The following EEA1 variants were observed in gnomAD, a reference collection of about 807,000 sequenced individuals.
EEA1 encodes the protein early endosome antigen 1, also known as early endosome antigen 1, 162kD.
EEA1 carries 111 observed loss-of-function variants against 209.2 expected under a neutral mutation model. The observed-to-expected ratio is 0.53, with a 90% confidence interval of 0.45 to 0.62. EEA1 has a LOEUF of 0.62. Ranked by LOEUF, EEA1 falls within the 20% of genes least tolerant of loss-of-function variation. The pLI is 0.00. For synonymous variants in EEA1, 536 were observed against 540.6 expected, an observed-to-expected ratio of 0.99 and a Z score of 0.12; for missense variants, 1,343 against 1,530.8, an observed-to-expected ratio of 0.88 and a Z score of 2.05.
At chr12:92,858,082 T>A in intron 3 of EEA1, 1 of 463,194 alleles carries the variant, frequency 2.2e-6, no homozygotes, top group Non-Finnish European at 4.0e-6. Context: ...AACACCAACA[T>A]GAACGGGAGC....
chr12:92,819,079 T>A (rs1645477560), intron 14 of EEA1, among the ~76,000 whole-genome samples: 1 of 152,190 alleles, frequency 6.6e-6, no homozygotes, highest in African/African-American at 2.4e-5. Context: ...CTAACTTACA[T>A]CCAGGGACAT....
chr12:92,896,029 A>T (rs1879867303), intron 1 of EEA1, among the ~76,000 whole-genome samples: 1 of 150,008 alleles, frequency 6.7e-6, no homozygotes, highest in African/African-American at 2.5e-5. Flanking sequence ...GCTGGAGTGC[A>T]GTGGTGTGAT....
intron 2 of EEA1, chr12:92,884,344 C>T (rs1879290030): frequency 3.9e-6 from 5 of 1,266,482 alleles, no homozygotes; most frequent in South Asian, 1.2e-5. Flanking sequence ...CTTTATCCAG[C>T]CAAAGAGGCT....
chr12:92,835,400 C>CTTT (rs140302130), intron 10 of EEA1: 36 of 154,410 alleles, frequency 2.3e-4, no homozygotes, highest in South Asian at 3.0e-4. Flanking sequence ...AGTTTCACTC[C>CTTT]TTTTTTTTTT....
Position 92,773,683 on chromosome 12 carries a change from A to C in EEA1, c.*2328T>G, listed in dbSNP as rs1164723885. On this transcript the variant is annotated 3_prime_UTR_variant, in exon 29 of 29. Transcript: ENST00000322349. ...TGACTGACAAAATAATAGTACCAGC[A>C]AACATGTAAAATGTACAGCCAATAA... 4 of 151,700 alleles carry C rather than the reference A, an allele frequency of 2.6e-5. No individual in the cohort carries two copies. The highest frequency in any genetic ancestry group is 5.9e-5 in the Non-Finnish European group (4 of 67,636). The allele number at this position is 151,700 out of a possible 1,614,324, so 9.4% of individuals were successfully genotyped here. A position where few individuals can be genotyped will look rare whatever the true frequency, so the allele number is the denominator to read the frequency against.
At chr12:92,883,534 T>A (rs1592755750) in intron 2 of EEA1, among the ~76,000 whole-genome samples, 1 of 152,188 alleles carries the variant, frequency 6.6e-6, no homozygotes, top group African/African-American at 2.4e-5. Context: ...AAAATTCTTA[T>A]AGTTTAAGGT....
intron 2 of EEA1, among the ~76,000 whole-genome samples, chr12:92,877,341 T>C (rs1878953518): frequency 1.3e-5 from 2 of 151,840 alleles, no homozygotes; most frequent in South Asian, 4.1e-4. Flanking sequence ...AAGAATAGAT[T>C]CAATTGGAAG....
rs111717924 is a variant in EEA1, at chr12:92,781,319, G to C, written c.3336+631C>G. Among the ~76,000 whole-genome samples the C allele has an allele frequency of 6.4e-3, 972 of 152,198 alleles. 10 individuals carry two copies. The highest frequency in any genetic ancestry group is 0.022 in the African/African-American group (917 of 41,526). ...CAGAACATTTTTAAATTAAATTTCA[G>C]GAACTGAACCATTTAGAATTTACCA... On this transcript the variant is annotated intron_variant, in intron 23 of 28. Transcript: ENST00000322349.
intron 3 of EEA1, 43 bp from the exon 4 acceptor site, chr12:92,857,528 T>A: frequency 7.6e-7 from 1 of 1,318,228 alleles, no homozygotes; most frequent in Non-Finnish European, 1.0e-6. Flanking sequence ...CAATGTCCTT[T>A]AATTAACAAA....
chr12:92,871,583 A>AAACAAGACAATGCAAATAGAAAT (rs1281479049), intron 2 of EEA1, among the ~76,000 whole-genome samples: 1 of 152,252 alleles, frequency 6.6e-6, no homozygotes, highest in East Asian at 1.9e-4. Flanking sequence ...TATTTTTATA[A>AAACAAGACAATGCAAATAGAAAT]AACAAGACAA....
chr12:92,843,006 G>C (rs1218375769), intron 9 of EEA1, among the ~76,000 whole-genome samples: 1 of 152,048 alleles, frequency 6.6e-6, no homozygotes. Flanking sequence ...GCAACACAGA[G>C]CTTGATATTA....
At chr12:92,856,407 TTTC>T (rs1413805883) in intron 5 of EEA1, among the ~76,000 whole-genome samples, 2 of 152,176 alleles carry the variant, frequency 1.3e-5, no homozygotes, top group Non-Finnish European at 2.9e-5. Flanking sequence ...CTGCAGTGAT[TTTC>T]TTCTGTTTTT....
chr12:92,864,772 C>T (rs1246089593), intron 3 of EEA1, 88 bp downstream of exon 3: 2 of 1,248,346 alleles, frequency 1.6e-6, no homozygotes, highest in South Asian at 1.9e-5. Flanking sequence ...AAAAAGGTTA[C>T]TATTTTCATA....
chr12:92,811,206 T>C (rs745400916), intron 17 of EEA1, 73 bp downstream of exon 17: 5 of 1,050,954 alleles, frequency 4.8e-6, no homozygotes, highest in Middle Eastern at 3.4e-4. Flanking sequence ...AATCTTTGAT[T>C]CCATGTAGGT....
rs117725843 is a variant in EEA1 at position 92,927,170 on chromosome 12, C to T, written c.24+1873G>A. On this transcript the variant is annotated intron_variant, in intron 1 of 28. Transcript: ENST00000322349. ...AGGGGACATTTGGTAAAATCTGGAG[C>T]TATTTTTGGTTGTCACAAGGGGGAA... Among the ~76,000 whole-genome samples, 500 of 152,268 alleles carry T rather than the reference C, an allele frequency of 3.3e-3. 2 individuals are homozygous for T. The highest frequency in any genetic ancestry group is 4.9e-3 in the Non-Finnish European group (331 of 68,024).
At chr12:92,789,389 T>G (rs1373229909) in intron 21 of EEA1, among the ~76,000 whole-genome samples, 1 of 152,046 alleles carries the variant, frequency 6.6e-6, no homozygotes, top group East Asian at 1.9e-4. Flanking sequence ...TCTTTACAAC[T>G]GACTCCCAAA....
Position 92,811,401 on chromosome 12 carries a change from C to A in EEA1, c.2077G>T (p.Val693Phe), listed in dbSNP as rs140530278. The change falls in exon 17 of 29, where the codon GTC (valine) becomes TTC (phenylalanine). Residue 693 changes from valine to phenylalanine, a missense_variant. By Grantham distance (50) the Val-to-Phe change is conservative (BLOSUM62 -1). Coordinates refer to ENST00000322349, the MANE Select transcript of EEA1 (RefSeq NM_003566.4). ...TGCTTGTCTTGTAACTTTGCAGTGA[C>A]CTGATCCAACTGAGTAGTAATCTTA... ...LNKITTQLDQ[V>F]TAKLQDKQEH... is the part of the protein sequence containing the mutation. 1 of 1,592,278 alleles carries A rather than the reference C, an allele frequency of 6.3e-7. No homozygotes were observed. Among genetic ancestry groups the A allele is most frequent in the Non-Finnish European group, 8.5e-7 (1 of 1,171,838 alleles).
chr12:92,816,274 G>C lies in EEA1; in HGVS notation c.1855C>G (p.Leu619Val). Reference protein sequence around the residue: ...LRAAQDRVLSLETSVNELNSQ... With the variant: ...LRAAQDRVLSVETSVNELNSQ... Reference sequence around the variant, plus strand: ...TTTAATTCATTGACACTAGTTTCTAGGGAAAGGACACGGTCTTGTGCAGCT... The same window carrying C: ...TTTAATTCATTGACACTAGTTTCTACGGAAAGGACACGGTCTTGTGCAGCT... Residue 619 changes from leucine (L) to valine (V), a missense_variant, in exon 15 of 29, where the codon CTA becomes GTA. Transcript: ENST00000322349. 2 of 1,613,912 alleles carry C rather than the reference G, an allele frequency of 1.2e-6. No individual in the cohort carries two copies. The highest frequency in any genetic ancestry group is 1.1e-5 in the South Asian group (1 of 91,064).
At chr12:92,803,133 C>A (rs779873301) in intron 18 of EEA1, among the ~76,000 whole-genome samples, 4 of 152,010 alleles carry the variant, frequency 2.6e-5, no homozygotes, top group Non-Finnish European at 5.9e-5. Flanking sequence ...AGAACTTTGT[C>A]TCTTTCCTTG....
Sources: allele counts gnomAD v4.1 joint callset (sites outside exome capture counted in the v4.1 genomes callset), GRCh38; gene constraint gnomAD v4.1.1; transcripts MANE v1.5; gene names NCBI Gene and HGNC (gene_info 2026-07-23, HGNC 2026-07-21).